The following IGSF10 variants were observed in gnomAD, a reference collection of about 807,000 sequenced individuals.
IGSF10 encodes calvaria mechanical force protein 608.
IGSF10 carries 126 observed loss-of-function variants against 128.2 expected under a neutral mutation model. The observed-to-expected ratio is 0.98, with a 90% CI of 0.85 to 1.14. The LOEUF (loss-of-function observed/expected upper bound fraction) is 1.14, where lower values mean the gene tolerates loss of function less well. IGSF10 is among the 50% of genes most tolerant of loss of function. The pLI is 0.00. For synonymous variants in IGSF10, 1,185 were observed against 1,146.2 expected (o/e 1.03, Z -0.68); for missense variants, 3,295 against 3,149.8 (o/e 1.05, Z -1.10).
chr3:151,445,462 C>G lies in IGSF10; in HGVS notation c.4519G>C (p.Glu1507Gln), dbSNP rs138450222. ...GGTTTAGCATTGTGCCTTGAGGATT[C>G]GTGCAGCTTGACCACTGTATTTGTC... ...LMTNTVVKLH[E>Q]SSRHNAKPQQ... Residue 1507 changes from glutamate to glutamine, a missense_variant, in exon 6 of 8, where the codon GAA becomes CAA. Coordinates refer to ENST00000282466, the MANE Select transcript of IGSF10 (RefSeq NM_178822.5). The G allele has an allele frequency of 3.1e-6, 5 of 1,614,134 alleles. No homozygotes were observed. In the African/African-American group the frequency reaches 6.7e-5, roughly 22 times the overall value.
the IGSF10 span, among the ~76,000 whole-genome samples, chr3:151,474,265 T>C: frequency 6.6e-6 from 1 of 152,130 alleles, no homozygotes; most frequent in South Asian, 2.1e-4. Context: ...TACAGAAAGC[T>C]TAATTTAAAA....
chr3:151,547,497 T>C, the IGSF10 span, among the ~76,000 whole-genome samples: 1 of 151,974 alleles, frequency 6.6e-6, no homozygotes, highest in Non-Finnish European at 1.5e-5. Flanking sequence ...TGTCTAGGTC[T>C]TCTCTCAGTA....
the IGSF10 span, among the ~76,000 whole-genome samples, chr3:151,470,902 TCTC>T: frequency 2.0e-5 from 3 of 152,162 alleles, no homozygotes; most frequent in African/African-American, 7.2e-5. Context: ...ATGAATTACT[TCTC>T]CTATCTCCTT....
At chr3:151,552,184 G>A in the IGSF10 span, among the ~76,000 whole-genome samples, 3 of 152,234 alleles carry the variant, frequency 2.0e-5, no homozygotes, top group East Asian at 5.8e-4. Flanking sequence ...TGCCAGCCAT[G>A]TGAAGGTGTG....
chr3:151,564,957 G>A, the IGSF10 span, among the ~76,000 whole-genome samples: 1 of 152,118 alleles, frequency 6.6e-6, no homozygotes, highest in African/African-American at 2.4e-5. Flanking sequence ...TTTAACTCTT[G>A]TAACAAGCCT....
chr3:151,482,109 G>A, the IGSF10 span, among the ~76,000 whole-genome samples: 10 of 152,118 alleles, frequency 6.6e-5, no homozygotes, highest in South Asian at 1.0e-3. Flanking sequence ...AGAGACATAC[G>A]TATCAATGCA....
rs370576893 is a variant in IGSF10 at position 151,441,969 on chromosome 3, G to A, written c.5963+1015C>T. 2.0e-5 allele frequency among the ~76,000 whole-genome samples: 3 copies of A among 152,336 alleles called. No individual in the cohort carries two copies. The South Asian group carries it at 6.2e-4, about 32-fold the overall frequency. On this transcript the variant is annotated intron_variant, in intron 7 of 7. Coordinates refer to ENST00000282466, the MANE Select transcript of IGSF10 (RefSeq NM_178822.5). ...CCAGCTACTCAGGAGGCTGAGGTAG[G>A]AGAATGGCGTGAACCTGGGAGGCGG...
the IGSF10 span, among the ~76,000 whole-genome samples, chr3:151,516,911 C>G: frequency 6.6e-6 from 1 of 151,992 alleles, no homozygotes; most frequent in Admixed American, 6.6e-5. Flanking sequence ...CCTTTGTTGA[C>G]AGAGAGGGTG....
chr3:151,537,230 G>T, the IGSF10 span, among the ~76,000 whole-genome samples: 1 of 152,084 alleles, frequency 6.6e-6, no homozygotes, highest in South Asian at 2.1e-4. Context: ...AGGAGTGTAG[G>T]ATTTACTCAA....
the IGSF10 span, among the ~76,000 whole-genome samples, chr3:151,586,921 GC>G: frequency 6.6e-6 from 1 of 152,156 alleles, no homozygotes; most frequent in Admixed American, 6.5e-5. Context: ...CAAAGGAAAT[GC>G]AATAACATGA....
At chr3:151,522,335 T>C in the IGSF10 span, among the ~76,000 whole-genome samples, 1 of 152,094 alleles carries the variant, frequency 6.6e-6, no homozygotes, top group Non-Finnish European at 1.5e-5. Flanking sequence ...GTTCCCCAAC[T>C]CATTCTATGA....
At chr3:151,547,945 G>A in the IGSF10 span, among the ~76,000 whole-genome samples, 5 of 152,108 alleles carry the variant, frequency 3.3e-5, no homozygotes, top group Admixed American at 3.3e-4. Context: ...TTATATGTTT[G>A]TGGTGTGGAA....
the IGSF10 span, among the ~76,000 whole-genome samples, chr3:151,508,511 G>A: frequency 4.6e-5 from 7 of 151,996 alleles, no homozygotes; most frequent in African/African-American, 1.7e-4. Flanking sequence ...TGATTGTTTG[G>A]GAAACTGAGT....
chr3:151,458,615 C>G lies in IGSF10; in HGVS notation c.95G>C (p.Arg32Pro), dbSNP rs768330606. The change falls in exon 3 of 8, where the codon CGC becomes CCC. Residue 32 changes from arginine (R) to proline (P), a missense_variant. Physicochemically the swap from Arg to Pro is moderately radical, Grantham distance 103. Transcript: ENST00000282466. ...CTCCGTAGGCATATAACAGGCACAG[C>G]GGCGAGGACAGGCCTTGCCCCCAGG... ...ATPGGKACPR[R>P]CACYMPTEVH... The G allele has an allele frequency of 1.2e-6, 2 of 1,614,108 alleles. No individual in the cohort carries two copies. Among genetic ancestry groups the G allele is most frequent in the Non-Finnish European group, 1.7e-6 (2 of 1,179,982 alleles).
the IGSF10 span, among the ~76,000 whole-genome samples, chr3:151,515,722 CGTGTGTGTGTGTGTGT>C: frequency 2.0e-5 from 3 of 147,100 alleles, no homozygotes; most frequent in Non-Finnish European, 4.5e-5. Context: ...AATTATATTA[CGTGTGTGTGTGTGTGT>C]GTGTGTGTGT....
At chr3:151,439,045 C>A (rs1295687554) in intron 7 of IGSF10, among the ~76,000 whole-genome samples, 1 of 152,008 alleles carries the variant, frequency 6.6e-6, no homozygotes, top group East Asian at 1.9e-4. Flanking sequence ...TAATTTAGTG[C>A]AAGTAAGTAT....
chr3:151,495,820 A>G, the IGSF10 span, among the ~76,000 whole-genome samples: 5 of 152,270 alleles, frequency 3.3e-5, no homozygotes, highest in South Asian at 8.3e-4. Context: ...AACTATTTAG[A>G]CACAATCTTA....
At chr3:151,460,717 T>A (rs978747111) in intron 1 of IGSF10, among the ~76,000 whole-genome samples, 3 of 151,910 alleles carry the variant, frequency 2.0e-5, no homozygotes, top group Admixed American at 6.6e-5. Context: ...CTATTGATTG[T>A]CTTTCCTCAG....
At chr3:151,535,869 C>T in the IGSF10 span, among the ~76,000 whole-genome samples, 1 of 152,152 alleles carries the variant, frequency 6.6e-6, no homozygotes, top group African/African-American at 2.4e-5. Context: ...GAGCAAAACT[C>T]ATTTTTGAAA....
Sources: gnomAD v4.1 joint callset for allele counts (sites outside exome capture counted in the v4.1 genomes callset) on GRCh38, gnomAD v4.1.1 for gene constraint, MANE v1.5 for transcripts, NCBI Gene and HGNC (gene_info 2026-07-23, HGNC 2026-07-21) for gene names.